Variants in ST6GALNAC3 observed in about 807,000 individuals in gnomAD.
The protein encoded by ST6GALNAC3 is alpha-N-acetylgalactosaminide alpha-2,6-sialyltransferase 3.
ST6GALNAC3 carries 25 observed loss-of-function variants against 32.7 expected under a neutral mutation model. The ratio of observed to expected loss-of-function variants is 0.76; its 90% CI spans 0.56 to 1.07. ST6GALNAC3 has a LOEUF of 1.07. ST6GALNAC3 is among the 50% of genes least tolerant of loss of function. The probability of loss-of-function intolerance (pLI) is 0.00; values close to 1 mark genes in which losing one functional copy is unlikely to be tolerated. For synonymous variants in ST6GALNAC3, 129 were observed against 133.1 expected (o/e 0.97, Z 0.21); for missense variants, 355 against 382.4 (o/e 0.93, Z 0.60).
chr1:76,595,682 TACAC>T (rs1161516884), intron 3 of ST6GALNAC3, among the ~76,000 whole-genome samples: 2 of 52,618 alleles, frequency 3.8e-5, no homozygotes, highest in South Asian at 8.5e-4. Flanking sequence ...AATAACATCA[TACAC>T]ACGCACACAC....
intron 1 of ST6GALNAC3, chr1:76,142,930 A>G: frequency 2.3e-6 from 1 of 442,808 alleles, no homozygotes; most frequent in African/African-American, 2.0e-5. Context: ...CGTATCTTTT[A>G]TGTCTTTTAT....
intron 3 of ST6GALNAC3, among the ~76,000 whole-genome samples, chr1:76,538,437 G>A (rs997781153): frequency 1.3e-5 from 2 of 152,106 alleles, no homozygotes; most frequent in African/African-American, 4.8e-5. Flanking sequence ...AAAACTGGAA[G>A]CATTCCTTTT....
chr1:76,529,895 A>G (rs913279063), intron 3 of ST6GALNAC3, among the ~76,000 whole-genome samples: 2 of 152,208 alleles, frequency 1.3e-5, no homozygotes, highest in Admixed American at 1.3e-4. Context: ...TAGCTCATAC[A>G]TATAAAATGC....
chr1:76,375,726 T>C (rs1466371093), intron 2 of ST6GALNAC3, among the ~76,000 whole-genome samples: 2 of 152,198 alleles, frequency 1.3e-5, no homozygotes. Flanking sequence ...ATAAATCAAA[T>C]GTCTATTTTT....
At chr1:76,252,344 C>G (rs922942597) in intron 1 of ST6GALNAC3, among the ~76,000 whole-genome samples, 1 of 152,118 alleles carries the variant, frequency 6.6e-6, no homozygotes, top group African/African-American at 2.4e-5. Flanking sequence ...TAAATGACCT[C>G]CCCCCAACCT....
intron 1 of ST6GALNAC3, among the ~76,000 whole-genome samples, chr1:76,116,582 C>A (rs1416449269): frequency 6.6e-6 from 1 of 152,038 alleles, no homozygotes; most frequent in Non-Finnish European, 1.5e-5. Context: ...CAAGTTCTGT[C>A]AAGCAGCCTA....
At chr1:76,256,946 A>C (rs1657957796) in intron 1 of ST6GALNAC3, among the ~76,000 whole-genome samples, 1 of 152,176 alleles carries the variant, frequency 6.6e-6, no homozygotes, top group South Asian at 2.1e-4. Context: ...AAACTTATAA[A>C]ACCAGATGTC....
intron 3 of ST6GALNAC3, among the ~76,000 whole-genome samples, chr1:76,438,306 C>T (rs1467184911): frequency 2.0e-5 from 3 of 152,048 alleles, no homozygotes; most frequent in Non-Finnish European, 4.4e-5. Flanking sequence ...CGCCCGCCAC[C>T]GTGCCCGGCT....
chr1:76,589,548 A>G (rs1647015371), intron 3 of ST6GALNAC3, among the ~76,000 whole-genome samples: 1 of 152,052 alleles, frequency 6.6e-6, no homozygotes, highest in African/African-American at 2.4e-5. Context: ...AATTCAGACA[A>G]TGAATGGCTT....
chr1:76,352,228 T>C (rs1649038148), intron 2 of ST6GALNAC3, among the ~76,000 whole-genome samples: 1 of 152,204 alleles, frequency 6.6e-6, no homozygotes, highest in Admixed American at 6.5e-5. Flanking sequence ...TAGTTTCTGT[T>C]TAAACAATAA....
intron 3 of ST6GALNAC3, among the ~76,000 whole-genome samples, chr1:76,600,247 A>G (rs1647202339): frequency 6.6e-6 from 1 of 152,182 alleles, no homozygotes; most frequent in African/African-American, 2.4e-5. Context: ...CCAGGACTCA[A>G]CCATGTAGGC....
chr1:76,494,163 T>A (rs1660663120), intron 3 of ST6GALNAC3, among the ~76,000 whole-genome samples: 1 of 151,946 alleles, frequency 6.6e-6, no homozygotes, highest in Non-Finnish European at 1.5e-5. Flanking sequence ...TTATCTATTG[T>A]GAGAGTTAAA....
chr1:76,276,747 T>G (rs1391205721), intron 1 of ST6GALNAC3, among the ~76,000 whole-genome samples: 1 of 152,174 alleles, frequency 6.6e-6, no homozygotes, highest in South Asian at 2.1e-4. Flanking sequence ...TGCAAAATTA[T>G]TTTCCAAAAT....
chr1:76,125,582 A>G (rs971475142), intron 1 of ST6GALNAC3, among the ~76,000 whole-genome samples: 1 of 152,206 alleles, frequency 6.6e-6, no homozygotes, highest in African/African-American at 2.4e-5. Flanking sequence ...AAAGAACCAC[A>G]AAGCATCCTT....
chr1:76,126,287 A>G, intron 1 of ST6GALNAC3, among the ~76,000 whole-genome samples: 1 of 151,898 alleles, frequency 6.6e-6, no homozygotes, highest in East Asian at 1.9e-4. Flanking sequence ...TCTTTCTCTC[A>G]TGCACTCATT....
intron 1 of ST6GALNAC3, among the ~76,000 whole-genome samples, chr1:76,080,164 G>A (rs1408615992): frequency 6.6e-6 from 1 of 152,200 alleles, no homozygotes; most frequent in African/African-American, 2.4e-5. Context: ...TGGGTGGGGT[G>A]TTGACGGTTA....
intron 3 of ST6GALNAC3, among the ~76,000 whole-genome samples, chr1:76,480,351 C>G (rs1035286872): frequency 1.1e-4 from 16 of 152,164 alleles, no homozygotes; most frequent in Admixed American, 3.9e-4. Context: ...TTTCCTATAA[C>G]TAGATCTTGA....
intron 2 of ST6GALNAC3, among the ~76,000 whole-genome samples, chr1:76,397,600 C>T (rs993439193): frequency 3.4e-4 from 51 of 152,146 alleles, no homozygotes; most frequent in African/African-American, 1.2e-3. Context: ...TCTCAAATTC[C>T]TAACCTCAGG....
chr1:76,449,113 A>C (rs1345402108), intron 3 of ST6GALNAC3, among the ~76,000 whole-genome samples: 1 of 152,178 alleles, frequency 6.6e-6, no homozygotes, highest in African/African-American at 2.4e-5. Context: ...GAGCCACCAC[A>C]CCTGGCAGGT....
Sources: gnomAD v4.1 joint callset for allele counts (sites outside exome capture counted in the v4.1 genomes callset) on GRCh38, gnomAD v4.1.1 for gene constraint, MANE v1.5 for transcripts, NCBI Gene and HGNC (gene_info 2026-07-23, HGNC 2026-07-21) for gene names.